SEPTIN8: variants seen among roughly 807,000 people sequenced by gnomAD.
SEPTIN8 encodes septin 8.
Under a neutral mutation model 53.1 loss-of-function variants are expected in SEPTIN8, and 22 were observed. The ratio of observed to expected loss-of-function variants is 0.41; its 90% CI spans 0.30 to 0.59. The LOEUF is 0.59. Ranked by LOEUF, SEPTIN8 falls within the 20% of genes least tolerant of loss-of-function variation. SEPTIN8 has a pLI of 0.24. For synonymous variants in SEPTIN8, 228 were observed against 248.4 expected, an observed-to-expected ratio of 0.92 and a Z score of 0.77; for missense variants, 536 against 638.7, an observed-to-expected ratio of 0.84 and a Z score of 1.73.
intron 1 of SEPTIN8, among the ~76,000 whole-genome samples, chr5:132,767,054 C>A (rs1182033686): frequency 6.6e-6 from 1 of 152,156 alleles, no homozygotes; most frequent in Non-Finnish European, 1.5e-5. Context: ...TCAGGGCTAC[C>A]CCTAAACCTG....
At chr5:132,777,701 C>T (rs1447983834), upstream of SEPTIN8, 1 of 985,430 alleles carries the variant, frequency 1.0e-6, no homozygotes, top group African/African-American at 1.7e-5. This position sits in a 1 kb window ranked among gnomAD's most constrained non-coding sequence, Gnocchi z 4.1. Flanking sequence ...CTGCGGGAGA[C>T]CCGTCGGATC....
At chr5:132,759,340 C>T (rs1755659679) in intron 9 of SEPTIN8, among the ~76,000 whole-genome samples, 1 of 152,124 alleles carries the variant, frequency 6.6e-6, no homozygotes, top group Non-Finnish European at 1.5e-5. Context: ...GGAGCCCAGG[C>T]CACATGGGAA....
rs576376724 is a variant in SEPTIN8 at position 132,758,046 on chromosome 5, A to T, written c.1286+2756T>A. 22 of 993,640 alleles carry T rather than the reference A, an allele frequency of 2.2e-5. No individual in the cohort carries two copies. The Admixed American group carries it at 1.2e-3, about 56-fold the overall frequency. The allele number at this position is 993,640 out of a possible 1,614,324, so 61.6% of individuals were successfully genotyped here. ...AGGTAGCACCTCTGGGGCACAGACAACAGCTTTGGGCTGCTGTTCCATTTA... is the reference window on the plus strand; with the variant it reads ...AGGTAGCACCTCTGGGGCACAGACATCAGCTTTGGGCTGCTGTTCCATTTA... On this transcript the variant is annotated intron_variant, in intron 9 of 9. Coordinates refer to ENST00000378719, the MANE Select transcript of SEPTIN8 (RefSeq NM_001098811.2).
chr5:132,751,961 T>C lies in SEPTIN8; in HGVS notation c.*55A>G, dbSNP rs768926275. The C allele has an allele frequency of 6.2e-7, 1 of 1,605,764 alleles. No individual in the cohort carries two copies. Among genetic ancestry groups the C allele is most frequent in the Admixed American group, 1.7e-5 (1 of 59,140 alleles). On this transcript the variant is annotated 3_prime_UTR_variant, in exon 10 of 10. Transcript: ENST00000378719. ...TGTTCTAACATTAAAAACCATGGTCTCCAGTTCCATGCCCTGGTGGTCCTG... is the reference window on the plus strand; with the variant it reads ...TGTTCTAACATTAAAAACCATGGTCCCCAGTTCCATGCCCTGGTGGTCCTG...
intron 9 of SEPTIN8, chr5:132,758,427 C>T (rs566040915): frequency 8.9e-6 from 14 of 1,568,838 alleles, no homozygotes; most frequent in African/African-American, 8.1e-5. Flanking sequence ...GCACCTAGGG[C>T]ACCACGTGAG....
intron 2 of SEPTIN8, among the ~76,000 whole-genome samples, chr5:132,764,991 G>A (rs1417774651): frequency 6.6e-6 from 1 of 151,862 alleles, no homozygotes; most frequent in Non-Finnish European, 1.5e-5. Flanking sequence ...CTCTGCTTGG[G>A]GCTGTTATTT....
intron 9 of SEPTIN8, chr5:132,753,253 A>G: frequency 2.5e-6 from 1 of 397,056 alleles, no homozygotes; most frequent in Admixed American, 3.7e-5. Context: ...GAATGTTCAA[A>G]TGGCAGCTTG....
Position 132,751,113 on chromosome 5 carries a change from C to T in SEPTIN8, c.*903G>A, listed in dbSNP as rs1581119753. 6 of 1,187,982 alleles carry T rather than the reference C, an allele frequency of 5.1e-6. No individual in the cohort carries two copies. In the Middle Eastern group the frequency reaches 8.9e-4, roughly 175 times the overall value. 73.6% of individuals were successfully genotyped at this position (1,187,982 alleles called of 1,614,324 possible). On this transcript the variant is annotated 3_prime_UTR_variant, in exon 10 of 10. Transcript: ENST00000378719. ...TGCACACGCCCTTGCACATGCACCA[C>T]AGTGAGGTGACGCACAAGGCTCATG...
chr5:132,777,287 G>A (rs1757899273), upstream of SEPTIN8: 4 of 1,101,632 alleles, frequency 3.6e-6, no homozygotes, highest in Non-Finnish European at 4.4e-6. The surrounding 1 kb of genome is among the most constrained non-coding windows in gnomAD (Gnocchi z 4.1). Context: ...CGGCGGCGGC[G>A]GGAGAAGCCG....
intron 1 of SEPTIN8, among the ~76,000 whole-genome samples, chr5:132,766,979 G>A (rs983906514): frequency 5.3e-5 from 8 of 152,140 alleles, no homozygotes; most frequent in African/African-American, 1.7e-4. Flanking sequence ...ACTCCCAAGT[G>A]TGGGTGCTGG....
rs1755438723 is a variant in SEPTIN8 at position 132,757,364 on chromosome 5, C to T, written c.1286+3438G>A. 3.0e-6 allele frequency: 3 copies of T among 985,324 alleles called. No homozygotes were observed. The African/African-American group carries it at 5.2e-5, about 17-fold the overall frequency. The allele number at this position is 985,324 out of a possible 1,614,324, so 61.0% of individuals were successfully genotyped here. A position where few individuals can be genotyped will look rare whatever the true frequency, so the allele number is the denominator to read the frequency against. ...TGCCTCGGTGGACACACACAGCTCA[C>T]CCCTCCACTTCTCCCTGAGCAGAAC... On this transcript the variant is annotated intron_variant, in intron 9 of 9. Transcript: ENST00000378719.
chr5:132,771,777 A>G (rs1757343307), intron 1 of SEPTIN8, among the ~76,000 whole-genome samples: 1 of 151,268 alleles, frequency 6.6e-6, no homozygotes, highest in African/African-American at 2.4e-5. Context: ...GAGGAATCCT[A>G]GGAATTTTCC....
chr5:132,770,580 C>T (rs996759554), intron 1 of SEPTIN8, among the ~76,000 whole-genome samples: 3 of 152,190 alleles, frequency 2.0e-5, no homozygotes, highest in African/African-American at 7.2e-5. Flanking sequence ...TGTCAGGGGG[C>T]TGGTGTGGGC....
intron 1 of SEPTIN8, among the ~76,000 whole-genome samples, chr5:132,769,562 G>A (rs977142972): frequency 6.6e-6 from 1 of 152,160 alleles, no homozygotes; most frequent in Non-Finnish European, 1.5e-5. Context: ...TTGCATGCTT[G>A]CTTTGCGCAA....
chr5:132,760,076 G>A lies in SEPTIN8; in HGVS notation c.1286+726C>T, dbSNP rs557302698. ...TCTTCTCCCCAAAAGAACCCACAGA[G>A]CCCCTGTGGGAAGCCGCTTTCCTCC... On this transcript the variant is annotated intron_variant, in intron 9 of 9. Transcript: ENST00000378719. This position sits in a 1 kb window ranked among gnomAD's most constrained non-coding sequence, Gnocchi z 5.2. Among the ~76,000 whole-genome samples, 1 of 152,138 alleles carries A rather than the reference G, an allele frequency of 6.6e-6. No individual in the cohort carries two copies. The highest frequency in any genetic ancestry group is 1.9e-4 in the East Asian group (1 of 5,138).
At chr5:132,771,398 G>A (rs1247830909) in intron 1 of SEPTIN8, among the ~76,000 whole-genome samples, 1 of 152,190 alleles carries the variant, frequency 6.6e-6, no homozygotes, top group African/African-American at 2.4e-5. Context: ...ATTGGCTACC[G>A]AGTAATGGAC....
intron 9 of SEPTIN8, among the ~76,000 whole-genome samples, chr5:132,755,027 T>A (rs1429872031): frequency 6.6e-6 from 1 of 152,070 alleles, no homozygotes; most frequent in Non-Finnish European, 1.5e-5. Context: ...TTTGATGATG[T>A]TTCCACCACC....
At chr5:132,754,661 TA>T in intron 9 of SEPTIN8, 1 of 604,456 alleles carries the variant, frequency 1.7e-6, no homozygotes, top group Non-Finnish European at 3.0e-6. Flanking sequence ...CGTGGATTTT[TA>T]AAAATCTTAT....
Position 132,776,560 on chromosome 5 carries a change from G to A in SEPTIN8, c.30+548C>T, listed in dbSNP as rs1757814231. 6.7e-6 allele frequency among the ~76,000 whole-genome samples: 1 copy of A among 150,294 alleles called. No homozygotes were observed. Among genetic ancestry groups the A allele is most frequent in the South Asian group, 2.1e-4 (1 of 4,772 alleles). On this transcript the variant is annotated intron_variant, in intron 1 of 9. Coordinates refer to ENST00000378719, the MANE Select transcript of SEPTIN8 (RefSeq NM_001098811.2). This position sits in a 1 kb window ranked among gnomAD's most constrained non-coding sequence, Gnocchi z 4.4. ...GAGTCGCACCCAGGATTCCGGCGTG[G>A]GGAGCGGGGCAGAGGGGAGCGGGGG...
Sources: allele counts gnomAD v4.1 joint callset (sites outside exome capture counted in the v4.1 genomes callset), GRCh38; gene constraint gnomAD v4.1.1; non-coding constraint Gnocchi (gnomAD v3.1); transcripts MANE v1.5; gene names NCBI Gene and HGNC (gene_info 2026-07-23, HGNC 2026-07-21).